Variants in ABCG5 observed in about 807,000 individuals in gnomAD.
The protein encoded by ABCG5 is ATP binding cassette subfamily G member 5.
Under a neutral mutation model 64.5 loss-of-function variants are expected in ABCG5, and 64 were observed. The ratio of observed to expected loss-of-function variants is 0.99; its 90% CI spans 0.81 to 1.22. The LOEUF is 1.22. ABCG5 is among the 50% of genes most tolerant of loss of function. The pLI, the probability that ABCG5 is intolerant of heterozygous loss-of-function variation, is 0.00. For missense variants in ABCG5, 908 were observed against 829.5 expected, an observed-to-expected ratio of 1.09 and a Z score of -1.16; for synonymous variants, 385 against 326.3, an observed-to-expected ratio of 1.18 and a Z score of -1.94.
intron 10 of ABCG5, among the ~76,000 whole-genome samples, chr2:43,820,468 C>G (rs988400648): frequency 4.6e-5 from 7 of 152,126 alleles, no homozygotes; most frequent in African/African-American, 1.4e-4. Context: ...CCACACCTAC[C>G]TAATGTTAAA....
At chr2:43,839,223 A>G, upstream of ABCG5, 1 of 1,234,716 alleles carries the variant, frequency 8.1e-7, no homozygotes, top group South Asian at 1.3e-5. Flanking sequence ...CCCGGACATC[A>G]AGCAGTGTGA....
intron 12 of ABCG5, among the ~76,000 whole-genome samples, chr2:43,813,770 T>C (rs1666638226): frequency 7.5e-6 from 1 of 132,668 alleles, no homozygotes; most frequent in Admixed American, 9.2e-5. Context: ...CAGGCTGGAG[T>C]GCAGTGGCTC....
At chr2:43,822,562 A>C (rs1667297506) in intron 10 of ABCG5, 2 of 983,344 alleles carry the variant, frequency 2.0e-6, no homozygotes, top group African/African-American at 3.5e-5. Flanking sequence ...GGGACAGGTC[A>C]TTCCCAGGCA....
chr2:43,838,476 A>T lies in ABCG5; in HGVS notation c.143+61T>A, dbSNP rs1356395237. ...CTTAAAGAGTGAAGAAAGGCAGCAG[A>T]GGGGTGAGCGCCGGGCCCCGCACTC... On this transcript the variant is annotated intron_variant, in intron 1 of 12. Transcript: ENST00000405322. This position sits in a 1 kb window ranked among gnomAD's most constrained non-coding sequence, Gnocchi z 4.2. 2 of 1,493,370 alleles carry T rather than the reference A, an allele frequency of 1.3e-6. No individual in the cohort carries two copies. The highest frequency in any genetic ancestry group is 2.8e-5 in the African/African-American group (2 of 72,038). The allele number at this position is 1,493,370 out of a possible 1,614,324, so 92.5% of individuals were successfully genotyped here.
chr2:43,839,035 T>G (rs3806471), upstream of ABCG5: 546,934 of 1,549,390 alleles, frequency 0.35, 104,532 homozygotes, highest in East Asian at 0.85. Context: ...CAGCCCAGGG[T>G]CACAGACCTG....
rs1010631695 is a variant in ABCG5, at chr2:43,832,048, C to A, written c.301G>T (p.Gly101Trp). 6.3e-6 allele frequency: 10 copies of A among 1,580,708 alleles called. No homozygotes were observed. The highest frequency in any genetic ancestry group is 7.7e-6 in the Non-Finnish European group (9 of 1,163,994). ...GKTTLLDAMSGRLGRAGTFLG... is the reference protein window; with the variant it reads ...GKTTLLDAMSWRLGRAGTFLG... ...AAGGTCCCCGCGCGCCCCAGCCTCC[C>A]GGACATGGCGTCCAGCAGCGTGGTT... The change falls in exon 3 of 13, where the codon GGG (glycine) becomes TGG (tryptophan). Residue 101 changes from glycine (G) to tryptophan (W), a missense_variant. By Grantham distance (184) the Gly-to-Trp change is radical (BLOSUM62 -2). Transcript: ENST00000405322.
chr2:43,839,215 C>T (rs757235723), upstream of ABCG5: 67 of 1,294,988 alleles, frequency 5.2e-5, no homozygotes, highest in Non-Finnish European at 5.7e-5. Context: ...TAGCACCACC[C>T]GGACATCAAG....
chr2:43,838,012 C>G lies in ABCG5; in HGVS notation c.144-57G>C. ...GCTTGGGGCCCTGGAAGGGGCCACA[C>G]CCAGGTCCCCAGCATTGATCCTACC... On this transcript the variant is annotated intron_variant, in intron 1 of 12. Transcript: ENST00000405322. This position sits in a 1 kb window ranked among gnomAD's most constrained non-coding sequence, Gnocchi z 4.2. The G allele has an allele frequency of 6.2e-7, 1 of 1,609,762 alleles. No homozygotes were observed. Among genetic ancestry groups the G allele is most frequent in the African/African-American group, 1.3e-5 (1 of 74,946 alleles).
At chr2:43,833,363 A>ATATTATTATTATTAT (rs67113914) in intron 2 of ABCG5, among the ~76,000 whole-genome samples, 92 of 144,226 alleles carry the variant, frequency 6.4e-4, no homozygotes, top group South Asian at 1.1e-3. Flanking sequence ...TTTTGTTGAA[A>ATATTATTATTATTAT]TATTATTATT....
chr2:43,813,250 A>T lies in ABCG5; in HGVS notation c.1822T>A (p.Phe608Ile). Reference protein sequence around the residue: ...PMCAFTQGIQFIEKTCPGATS... With the variant: ...PMCAFTQGIQIIEKTCPGATS... Reference sequence around the variant, plus strand: ...GCACCTGGGCAGGTTTTCTCAATGAATTGAATTCCTTGAGTGAAGGCACAC... The same window carrying T: ...GCACCTGGGCAGGTTTTCTCAATGATTTGAATTCCTTGAGTGAAGGCACAC... Residue 608 changes from phenylalanine to isoleucine, a missense_variant, in exon 13 of 13, where the codon TTC (phenylalanine) becomes ATC (isoleucine). Physicochemically the swap from Phe to Ile is conservative, Grantham distance 21. Coordinates refer to ENST00000405322, the MANE Select transcript of ABCG5 (RefSeq NM_022436.3). 6.2e-7 allele frequency: 1 copy of T among 1,614,072 alleles called. No individual in the cohort carries two copies. Among genetic ancestry groups the T allele is most frequent in the Non-Finnish European group, 8.5e-7 (1 of 1,179,986 alleles).
chr2:43,826,454 G>A lies in ABCG5; in HGVS notation c.702C>T (p.Leu234=). Residue 234 remains leucine, a synonymous_variant, in exon 6 of 13, where the codon CTC becomes CTT. Coordinates refer to ENST00000405322, the MANE Select transcript of ABCG5 (RefSeq NM_022436.3). The part of the protein sequence containing the change: ...DCMTANQIVV[L]LVELARRNRI... ...GGTTCCTGCGAGCCAGTTCCACCAG[G>A]AGGACGACAATCTGATTAGCAGTCA... 6.2e-7 allele frequency: 1 copy of A among 1,614,174 alleles called. No homozygotes were observed. Among genetic ancestry groups the A allele is most frequent in the Non-Finnish European group, 8.5e-7 (1 of 1,180,048 alleles).
chr2:43,825,482 G>T (rs1331630023), intron 6 of ABCG5, among the ~76,000 whole-genome samples: 1 of 152,176 alleles, frequency 6.6e-6, no homozygotes, highest in Admixed American at 6.5e-5. Context: ...TTTTTGGAAG[G>T]AAATCAGTAT....
chr2:43,825,920 A>T (rs1043003221), intron 6 of ABCG5, among the ~76,000 whole-genome samples: 3 of 152,124 alleles, frequency 2.0e-5, no homozygotes, highest in Admixed American at 1.3e-4. Flanking sequence ...GTGAGTTTTC[A>T]TCCTTTGCTC....
chr2:43,812,261 C>G (rs1021488833), downstream of ABCG5, among the ~76,000 whole-genome samples: 1 of 150,956 alleles, frequency 6.6e-6, no homozygotes, highest in African/African-American at 2.4e-5. Flanking sequence ...CAGCTGATCT[C>G]CAGCCTTAAT....
chr2:43,817,015 G>A (rs1666878978), intron 11 of ABCG5, among the ~76,000 whole-genome samples: 1 of 152,204 alleles, frequency 6.6e-6, no homozygotes, highest in Non-Finnish European at 1.5e-5. Context: ...CACCCAGAAA[G>A]ATGATGACTG....
Position 43,828,021 on chromosome 2 carries a change from C to T in ABCG5, c.596G>A (p.Arg199His), listed in dbSNP as rs757506761. ...CAGCTGGGCTGCGATGGAGACCCGGCGCCGCTCACCCGTGGAAATGCCCCC... is the reference window on the plus strand; with the variant it reads ...CAGCTGGGCTGCGATGGAGACCCGGTGCCGCTCACCCGTGGAAATGCCCCC... ...SLGGISTGERRRVSIAAQLLQ... is the reference protein window; with the variant it reads ...SLGGISTGERHRVSIAAQLLQ... The change falls in exon 5 of 13, where the codon CGC becomes CAC. Residue 199 changes from arginine (R) to histidine (H), a missense_variant. Coordinates refer to ENST00000405322, the MANE Select transcript of ABCG5 (RefSeq NM_022436.3). 5.6e-6 allele frequency: 9 copies of T among 1,614,078 alleles called. No homozygotes were observed. The highest frequency in any genetic ancestry group is 1.1e-5 in the South Asian group (1 of 91,068).
chr2:43,820,163 C>T, intron 10 of ABCG5, 63 bp from the exon 11 acceptor site: 1 of 1,541,260 alleles, frequency 6.5e-7, no homozygotes, highest in Non-Finnish European at 8.8e-7. Context: ...AAATACTGCA[C>T]TTGCCTCTGT....
chr2:43,829,299 G>T (rs775247582), intron 4 of ABCG5, among the ~76,000 whole-genome samples: 1 of 152,202 alleles, frequency 6.6e-6, no homozygotes, highest in Non-Finnish European at 1.5e-5. Flanking sequence ...CAATCTCAGT[G>T]TGAGTCCACA....
chr2:43,825,083 T>G, intron 6 of ABCG5, 65 bp from the exon 7 acceptor site: 2 of 1,588,220 alleles, frequency 1.3e-6, no homozygotes, highest in Non-Finnish European at 8.6e-7. Context: ...TGAATGTCTC[T>G]GGGAACACTG....
Sources: allele counts gnomAD v4.1 joint callset (sites outside exome capture counted in the v4.1 genomes callset), GRCh38; gene constraint gnomAD v4.1.1; non-coding constraint Gnocchi (gnomAD v3.1); transcripts MANE v1.5; gene names NCBI Gene and HGNC (gene_info 2026-07-23, HGNC 2026-07-21).